The following FAM241A variants were observed in gnomAD, a reference collection of about 807,000 sequenced individuals.
FAM241A encodes the protein family with sequence similarity 241 member A.
FAM241A carries 7 observed loss-of-function variants against 12.2 expected under a neutral mutation model. That is an observed-to-expected ratio of 0.58 (90% confidence interval 0.33 to 1.08). The LOEUF is 1.08. Among genes scored for constraint, FAM241A ranks in the 50% least tolerant of loss-of-function variants. The probability of loss-of-function intolerance (pLI) is 0.04; values close to 1 mark genes in which losing one functional copy is unlikely to be tolerated. For missense variants in FAM241A, 161 were observed against 169.7 expected, an observed-to-expected ratio of 0.95 and a Z score of 0.29; for synonymous variants, 74 against 68.2, an observed-to-expected ratio of 1.08 and a Z score of -0.42.
intron 1 of FAM241A, among the ~76,000 whole-genome samples, chr4:112,155,684 A>G (rs1297000701): frequency 6.6e-6 from 1 of 152,150 alleles, no homozygotes; most frequent in African/African-American, 2.4e-5. Flanking sequence ...CAGCCTCACT[A>G]TAAAGAAAAG....
intron 1 of FAM241A, chr4:112,171,347 G>A (rs181920013): frequency 9.3e-6 from 7 of 754,718 alleles, no homozygotes; most frequent in Admixed American, 6.8e-5. Context: ...ACGACAAGAA[G>A]CAGAGTGACT....
chr4:112,181,193 A>G (rs140597837), intron 1 of FAM241A, among the ~76,000 whole-genome samples: 259 of 152,290 alleles, frequency 1.7e-3, no homozygotes, highest in Middle Eastern at 0.014. Flanking sequence ...TCTAATAGGG[A>G]AGAGGAAAGA....
At chr4:112,153,181 T>C (rs970007510) in intron 1 of FAM241A, among the ~76,000 whole-genome samples, 15 of 152,316 alleles carry the variant, frequency 9.8e-5, no homozygotes, top group African/African-American at 3.6e-4. Context: ...ACCTAAATTA[T>C]GTTGTTTTTT....
intron 1 of FAM241A, among the ~76,000 whole-genome samples, chr4:112,148,238 A>G (rs918811001): frequency 6.6e-6 from 1 of 151,628 alleles, no homozygotes; most frequent in African/African-American, 2.4e-5. Context: ...TTTTCTTTCC[A>G]CTTCTGTCTG....
At chr4:112,152,245 T>C (rs1723257577) in intron 1 of FAM241A, among the ~76,000 whole-genome samples, 1 of 152,170 alleles carries the variant, frequency 6.6e-6, no homozygotes, top group Non-Finnish European at 1.5e-5. Context: ...CATTTTTTTA[T>C]TGCTGAAACT....
chr4:112,156,985 A>G (rs1277854473), intron 1 of FAM241A, among the ~76,000 whole-genome samples: 1 of 152,188 alleles, frequency 6.6e-6, no homozygotes, highest in Non-Finnish European at 1.5e-5. Context: ...CAGATAGTCA[A>G]TGAAGGCCAG....
At chr4:112,146,843 T>C (rs1464588652) in intron 1 of FAM241A, among the ~76,000 whole-genome samples, 1 of 152,246 alleles carries the variant, frequency 6.6e-6, no homozygotes, top group Non-Finnish European at 1.5e-5. Flanking sequence ...TGGAGTGTAA[T>C]TTTTCATCTG....
chr4:112,162,291 T>C (rs955529363), intron 1 of FAM241A, among the ~76,000 whole-genome samples: 2 of 152,164 alleles, frequency 1.3e-5, no homozygotes, highest in African/African-American at 4.8e-5. Flanking sequence ...TTCAACATAC[T>C]GTTGGAAGTT....
intron 1 of FAM241A, among the ~76,000 whole-genome samples, chr4:112,149,445 C>T (rs908924221): frequency 2.0e-5 from 3 of 152,218 alleles, no homozygotes; most frequent in Non-Finnish European, 4.4e-5. Context: ...TCCCCTAACA[C>T]CGCACATTGA....
rs17852080 is a variant in FAM241A, at chr4:112,145,696, C to G, written c.116C>G (p.Pro39Arg). Reference protein sequence around the residue: ...AGTGWDPGASPRRRGQRPKES... With the variant: ...AGTGWDPGASRRRRGQRPKES... Reference sequence around the variant, plus strand: ...ACCGGGTGGGATCCCGGGGCGAGCCCGCGGCGGCGCGGACAGCGGCCGAAG... The same window carrying G: ...ACCGGGTGGGATCCCGGGGCGAGCCGGCGGCGGCGCGGACAGCGGCCGAAG... The change falls in exon 1 of 2, where the codon CCG (proline) becomes CGG (arginine). Residue 39 changes from proline to arginine, a missense_variant. Pro to Arg is a moderately radical substitution (Grantham distance 103). Transcript: ENST00000309733. 1.8e-5 allele frequency: 21 copies of G among 1,196,524 alleles called. No individual in the cohort carries two copies. The highest frequency in any genetic ancestry group is 2.2e-5 in the Non-Finnish European group (21 of 965,202). 74.1% of individuals were successfully genotyped at this position (1,196,524 alleles called of 1,614,324 possible).
rs896395377 is a variant in FAM241A, at chr4:112,183,702, A to T, written c.154-2991A>T. Among the ~76,000 whole-genome samples, 158 of 152,032 alleles carry T rather than the reference A, an allele frequency of 1.0e-3. 2 individuals carry two copies. Among genetic ancestry groups the T allele is most frequent in the African/African-American group, 2.0e-3 (83 of 41,518 alleles). On this transcript the variant is annotated intron_variant, in intron 1 of 1. Transcript: ENST00000309733. The stretch of plus-strand genomic sequence containing the variant: ...GAAATTGGGAAGAGTAAAAAAAAAA[A>T]TTTTTTTAAGAACTTTAATAAAAAA...
At chr4:112,178,797 CAAAT>C (rs1296163534) in intron 1 of FAM241A, among the ~76,000 whole-genome samples, 6 of 151,578 alleles carry the variant, frequency 4.0e-5, no homozygotes, top group South Asian at 2.1e-4. Context: ...AAGCAAAAAA[CAAAT>C]AACACGATTT....
intron 1 of FAM241A, among the ~76,000 whole-genome samples, chr4:112,152,233 G>A (rs1413935202): frequency 1.3e-5 from 2 of 152,098 alleles, no homozygotes; most frequent in African/African-American, 4.8e-5. Context: ...ACAATGTCTG[G>A]ACATTTTTTT....
In FAM241A at chr4:112,187,646, C is replaced by CTAA. The variant is rs145521720; in HGVS notation, c.*710_*712dup. The CTAA allele has an allele frequency of 0.098, 14,969 of 152,426 alleles. 1,069 individuals are homozygous for CTAA. Among genetic ancestry groups the CTAA allele is most frequent in the East Asian group, 0.34 (1,758 of 5,164 alleles). 9.4% of individuals were successfully genotyped at this position (152,426 alleles called of 1,614,324 possible). On this transcript the variant is annotated 3_prime_UTR_variant, in exon 2 of 2. Coordinates refer to ENST00000309733, the MANE Select transcript of FAM241A (RefSeq NM_152400.3). ...TTTGAAGTTTCAGACAATTTTGGTG[C>CTAA]TAATTACTTTTTGTGAGTTTTTAAA...
intron 1 of FAM241A, chr4:112,171,156 A>C: frequency 2.1e-6 from 1 of 479,598 alleles, no homozygotes; most frequent in East Asian, 4.7e-5. Context: ...CAAAAACCAC[A>C]AAACCATTTT....
chr4:112,186,875 TG>T lies in FAM241A; in HGVS notation c.338del (p.Gly113AlafsTer7). 6.2e-7 allele frequency: 1 copy of T among 1,614,166 alleles called. No homozygotes were observed. On this transcript the variant is annotated frameshift_variant, in exon 2 of 2. Coordinates refer to ENST00000309733, the MANE Select transcript of FAM241A (RefSeq NM_152400.3). LOFTEE classifies it high-confidence loss of function. Reference protein sequence around the residue: ...IFFWVMLWFLGLQALGLVAVL... With the variant: ...IFFWVMLWFLXLQALGLVAVL... ...TCTTTTGGGTTATGCTGTGGTTCCT[TG>T]GCCTGCAAGCCCTTGGACTAGTTGC...
chr4:112,148,931 G>T (rs1333011941), intron 1 of FAM241A, among the ~76,000 whole-genome samples: 1 of 152,122 alleles, frequency 6.6e-6, no homozygotes, highest in East Asian at 1.9e-4. Flanking sequence ...CTCTTACCTA[G>T]AGAATAGGGA....
At chr4:112,166,510 G>A (rs1025220223) in intron 1 of FAM241A, among the ~76,000 whole-genome samples, 2 of 152,046 alleles carry the variant, frequency 1.3e-5, no homozygotes, top group African/African-American at 2.4e-5. Context: ...GGTTGAGAAG[G>A]AGAATGTAGT....
At chr4:112,164,380 A>G (rs545675580) in intron 1 of FAM241A, among the ~76,000 whole-genome samples, 2 of 151,760 alleles carry the variant, frequency 1.3e-5, no homozygotes, top group South Asian at 2.1e-4. Flanking sequence ...GTTCTCACTC[A>G]TAGGTGGAAA....
Sources: allele counts gnomAD v4.1 joint callset (sites outside exome capture counted in the v4.1 genomes callset), GRCh38; gene constraint gnomAD v4.1.1; transcripts MANE v1.5; gene names NCBI Gene and HGNC (gene_info 2026-07-23, HGNC 2026-07-21).